Variants in CA5A observed in about 807,000 individuals in gnomAD.
CA5A encodes the protein carbonic anhydrase 5A, mitochondrial.
In CA5A, 28 loss-of-function variants were observed where a neutral mutation model predicts 37.1. That is an observed-to-expected ratio of 0.75 (90% CI 0.56 to 1.03). The LOEUF (loss-of-function observed/expected upper bound fraction) is 1.03. Ranked by LOEUF, CA5A falls within the 50% of genes least tolerant of loss-of-function variation. The probability of loss-of-function intolerance (pLI) is 0.00; values close to 1 mark genes in which losing one functional copy is unlikely to be tolerated. For missense variants in CA5A, 444 were observed against 399.9 expected (o/e 1.11, Z -0.94); for synonymous variants, 171 against 158.4 (o/e 1.08, Z -0.60).
chr16:87,881,878 A>C (rs2055610377), exon 5 of CA5A: 1 of 152,164 alleles, frequency 6.6e-6, no homozygotes, highest in Non-Finnish European at 1.5e-5. Context: ...ACCAGTTTTT[A>C]AAAATAACTG....
intron 5 of CA5A, among the ~76,000 whole-genome samples, chr16:87,901,592 C>T (rs1597553530): frequency 6.9e-6 from 1 of 145,702 alleles, no homozygotes; most frequent in Non-Finnish European, 1.5e-5. Context: ...CTTTTCTTTT[C>T]TTTTTTTTTT....
intron 2 of CA5A, chr16:87,923,701 A>T (rs533223751): frequency 6.4e-5 from 63 of 985,336 alleles, no homozygotes; most frequent in Non-Finnish European, 7.5e-5. Flanking sequence ...AATAACAAAC[A>T]AAAGTCCAAA....
At chr16:87,930,884 G>A (rs2056393249) in intron 1 of CA5A, among the ~76,000 whole-genome samples, 1 of 152,010 alleles carries the variant, frequency 6.6e-6, no homozygotes, top group South Asian at 2.1e-4. Flanking sequence ...GGGGTTACAG[G>A]CATGTGCCAC....
At chr16:87,923,663 C>G in intron 2 of CA5A, 1 of 985,450 alleles carries the variant, frequency 1.0e-6, no homozygotes, top group Non-Finnish European at 1.2e-6. Flanking sequence ...AGCCACCAGA[C>G]CCTTTGCCTT....
At chr16:87,908,014 G>A (rs1207771197) in intron 2 of CA5A, among the ~76,000 whole-genome samples, 1 of 152,202 alleles carries the variant, frequency 6.6e-6, no homozygotes, top group Non-Finnish European at 1.5e-5. Flanking sequence ...AGGGGTCATC[G>A]AAGGCACACA....
chr16:87,924,410 G>T, intron 2 of CA5A: 1 of 733,192 alleles, frequency 1.4e-6, no homozygotes, highest in Non-Finnish European at 1.7e-6. Flanking sequence ...GCCTGGCACA[G>T]AGAAGAAGCT....
chr16:87,882,843 A>G (rs1263447756), intron 4 of CA5A: 1 of 152,408 alleles, frequency 6.6e-6, no homozygotes, highest in East Asian at 1.9e-4. Context: ...CCTTCAACCC[A>G]ATCCTCTTTC....
At chr16:87,929,855 C>G (rs937735856) in intron 1 of CA5A, among the ~76,000 whole-genome samples, 53 of 111,558 alleles carry the variant, frequency 4.8e-4, no homozygotes, top group Admixed American at 7.0e-4. Context: ...CTGGGCAATA[C>G]AGCGAGACTC....
rs1393516233 is a variant in CA5A, at chr16:87,904,889, G to A, written c.356C>T (p.Pro119Leu). Residue 119 changes from proline to leucine, a missense_variant, in exon 3 of 7, where the codon CCC becomes CTC. Transcript: ENST00000649794. ...CTTCAGTCTGTAGTGGTTTTCCAAG[G>A]GCCCACCACTAATTCCTGGAAATAA... is the stretch of plus-strand genomic sequence containing the variant. ...ATEASGISGGPLENHYRLKQF... is the reference protein window; with the variant it reads ...ATEASGISGGLLENHYRLKQF... 6.2e-7 allele frequency: 1 copy of A among 1,610,196 alleles called. No homozygotes were observed. The highest frequency in any genetic ancestry group is 1.3e-5 in the African/African-American group (1 of 74,836).
At chr16:87,902,697 G>C (rs1490071600) in intron 3 of CA5A, among the ~76,000 whole-genome samples, 177 bp from the exon 4 acceptor site, 1 of 151,760 alleles carries the variant, frequency 6.6e-6, no homozygotes, top group African/African-American at 2.4e-5. Context: ...ACGAGGTCAG[G>C]AGATCGAGAC....
chr16:87,922,165 T>A (rs2056239600), intron 2 of CA5A, among the ~76,000 whole-genome samples: 1 of 152,106 alleles, frequency 6.6e-6, no homozygotes, highest in South Asian at 2.1e-4. Context: ...CTCCAGGGGA[T>A]GTTGGTGCAC....
At chr16:87,914,982 C>T (rs117317481) in intron 2 of CA5A, among the ~76,000 whole-genome samples, 16 of 152,326 alleles carry the variant, frequency 1.1e-4, no homozygotes, top group Admixed American at 5.2e-4. Flanking sequence ...ACCGAGTTGA[C>T]GGGTGAGGGG....
At chr16:87,886,556 T>C (rs2143883289), downstream of CA5A, 1 of 152,262 alleles carries the variant, frequency 6.6e-6, no homozygotes, top group Non-Finnish European at 1.5e-5. Context: ...GGTTCCCCAT[T>C]TGGATATCCC....
At chr16:87,925,940 G>C (rs1014559103) in intron 2 of CA5A, among the ~76,000 whole-genome samples, 17 of 152,166 alleles carry the variant, frequency 1.1e-4, no homozygotes, top group African/African-American at 3.6e-4. Context: ...AGGTCAGCGA[G>C]GGCCGGGCGC....
rs532160499 is a variant in CA5A at position 87,911,250 on chromosome 16, G to A, written c.341-6346C>T. Reference sequence around the variant, plus strand: ...CTCAGCGTTCTGTGTAAGCAGGTGCGTCAGAACCGGCTCATGGAGATATAA... The same window carrying A: ...CTCAGCGTTCTGTGTAAGCAGGTGCATCAGAACCGGCTCATGGAGATATAA... On this transcript the variant is annotated intron_variant, in intron 2 of 6. Transcript: ENST00000649794. The surrounding 1 kb of genome is among the most constrained non-coding windows in gnomAD (Gnocchi z 4.6). Among the ~76,000 whole-genome samples, 15 of 152,216 alleles carry A rather than the reference G, an allele frequency of 9.9e-5. No individual in the cohort carries two copies. Among genetic ancestry groups the A allele is most frequent in the East Asian group, 3.9e-4 (2 of 5,182 alleles).
intron 2 of CA5A, among the ~76,000 whole-genome samples, chr16:87,910,434 C>T (rs1436659521): frequency 2.0e-5 from 3 of 152,142 alleles, no homozygotes; most frequent in Non-Finnish European, 4.4e-5. Context: ...GTCACCTGCC[C>T]CAGTTTAGCC....
chr16:87,926,275 C>T (rs2056307977), intron 2 of CA5A, among the ~76,000 whole-genome samples: 1 of 152,124 alleles, frequency 6.6e-6, no homozygotes, highest in African/African-American at 2.4e-5. Context: ...CCTGCTGAAG[C>T]CTGCAGTGGT....
At chr16:87,931,334 A>T (rs540693222) in intron 1 of CA5A, among the ~76,000 whole-genome samples, 88 of 143,710 alleles carry the variant, frequency 6.1e-4, no homozygotes, top group African/African-American at 2.1e-3. Flanking sequence ...CTGTTCTCGA[A>T]CTCCTGACTT....
intron 1 of CA5A, among the ~76,000 whole-genome samples, chr16:87,929,205 A>G (rs909041711): frequency 1.3e-5 from 2 of 151,100 alleles, no homozygotes; most frequent in East Asian, 2.0e-4. Context: ...TAATCCCAGT[A>G]GTTTGGGAGG....
Sources: gnomAD v4.1 joint callset for allele counts (sites outside exome capture counted in the v4.1 genomes callset) on GRCh38, gnomAD v4.1.1 for gene constraint, Gnocchi (gnomAD v3.1) non-coding constraint, MANE v1.5 for transcripts, NCBI Gene and HGNC (gene_info 2026-07-23, HGNC 2026-07-21) for gene names.